The following EDARADD variants were observed in gnomAD, a reference collection of about 807,000 sequenced individuals.
The protein encoded by EDARADD is ectodysplasin-A receptor-associated adapter protein.
Under a neutral mutation model 25.6 loss-of-function variants are expected in EDARADD, and 20 were observed. The ratio of observed to expected loss-of-function variants is 0.78; its 90% confidence interval spans 0.55 to 1.14. The LOEUF is 1.14. Ranked by LOEUF, EDARADD falls within the 50% of genes most tolerant of loss-of-function variation. The pLI, the probability that EDARADD is intolerant of heterozygous loss-of-function variation, is 0.00. For missense variants in EDARADD, 225 were observed against 270.1 expected, an observed-to-expected ratio of 0.83 and a Z score of 1.17; for synonymous variants, 86 against 94.4, an observed-to-expected ratio of 0.91 and a Z score of 0.52.
chr1:236,431,241 T>TG (rs1200663326), intron 4 of EDARADD, among the ~76,000 whole-genome samples: 4 of 152,238 alleles, frequency 2.6e-5, no homozygotes, highest in African/African-American at 9.6e-5. Context: ...AGGATTTATT[T>TG]GAGCTTCCTT....
rs1417060166 is a variant in EDARADD, at chr1:236,458,647, T to C, written c.220-9584T>C. Among the ~76,000 whole-genome samples, 18 of 145,176 alleles carry C rather than the reference T, an allele frequency of 1.2e-4. 1 individual carries two copies. The highest frequency in any genetic ancestry group is 5.8e-4 in the East Asian group (3 of 5,162). On this transcript the variant is annotated intron_variant, in intron 4 of 5. Coordinates refer to ENST00000334232, the MANE Select transcript of EDARADD (RefSeq NM_145861.4). ...TTTGGTATTTTTTCTTTTTCTTTTT[T>C]TTTTTTTTTTTTTGAGACGGAGTTT...
intron 3 of EDARADD, among the ~76,000 whole-genome samples, chr1:236,378,460 C>T (rs997709515): frequency 3.1e-4 from 47 of 152,310 alleles, no homozygotes; most frequent in African/African-American, 1.0e-3. Context: ...GAGGTTTCTA[C>T]TCCCATCAGT....
intron 3 of EDARADD, among the ~76,000 whole-genome samples, chr1:236,376,060 A>G (rs1021412004): frequency 6.6e-6 from 1 of 150,860 alleles, no homozygotes; most frequent in Admixed American, 6.6e-5. Flanking sequence ...TCAGCCTCCC[A>G]AGTGACTGGG....
At position 236,480,096 on chromosome 1, in the gene EDARADD, CATATATATATATAT is replaced by C. The variant is rs72215388; in HGVS notation, c.266-2144_266-2131del. Among the ~76,000 whole-genome samples the C allele has an allele frequency of 3.2e-3, 248 of 77,860 alleles. 5 individuals carry two copies. The highest frequency in any genetic ancestry group is 0.013 in the African/African-American group (203 of 16,102). The allele number at this position is 77,860 out of a possible 152,430, so 51.1% of individuals were successfully genotyped here. ...ATCTCAGTGTGCCTTTTAAGTATGC[CATATATATATATAT>C]ATATATATATATATATATATATATA... On this transcript the variant is annotated intron_variant, in intron 5 of 5. Coordinates refer to ENST00000334232, the MANE Select transcript of EDARADD (RefSeq NM_145861.4).
At chr1:236,404,522 C>T (rs999191237) in intron 1 of EDARADD, among the ~76,000 whole-genome samples, 3 of 152,166 alleles carry the variant, frequency 2.0e-5, no homozygotes, top group African/African-American at 7.2e-5. Context: ...AGAACTTAAT[C>T]CACAGCTTGA....
chr1:236,395,608 C>T lies in EDARADD; in HGVS notation c.61+1103C>T, dbSNP rs1028521645. The T allele has an allele frequency of 2.6e-6, 4 of 1,559,786 alleles. No individual in the cohort carries two copies. In the African/African-American group the frequency reaches 5.4e-5, roughly 21 times the overall value. ...GGCCTGCCAGCCCCGCTCGGACGCT[C>T]GTTTGCCCCTAACCCGCCGCCATGG... On this transcript the variant is annotated intron_variant, in intron 1 of 5. Transcript: ENST00000334232. The surrounding 1 kb of genome is among the most constrained non-coding windows in gnomAD (Gnocchi z 6.9).
chr1:236,456,080 C>T (rs1052248742), intron 4 of EDARADD, among the ~76,000 whole-genome samples: 5 of 152,080 alleles, frequency 3.3e-5, no homozygotes, highest in Admixed American at 6.6e-5. Context: ...TGAGCCACCG[C>T]GCCCAGGTGC....
intron 5 of EDARADD, among the ~76,000 whole-genome samples, chr1:236,473,099 G>A (rs79979307): frequency 6.6e-6 from 1 of 152,086 alleles, no homozygotes; most frequent in African/African-American, 2.4e-5. Flanking sequence ...CTGTGTGCCT[G>A]GTGTGCAGCA....
chr1:236,361,766 A>G (rs1667053854), intron 3 of EDARADD, among the ~76,000 whole-genome samples: 1 of 150,684 alleles, frequency 6.6e-6, no homozygotes, highest in Admixed American at 6.6e-5. Context: ...CCATAATACT[A>G]TGGCTTTTGT....
Position 236,364,859 on chromosome 1 carries a change from C to A in EDARADD, c.-6+14020C>A, listed in dbSNP as rs180883834. ...ATAACAGTTTTAATTTCTTTCCAAT[C>A]TGATGCTTTTTATTTCTTTTTCTTG... On this transcript the variant is annotated intron_variant, in intron 3 of 7. Coordinates refer to the EDARADD transcript ENST00000439430. Among the ~76,000 whole-genome samples the A allele has an allele frequency of 2.6e-5, 4 of 152,256 alleles. No homozygotes were observed. The East Asian group carries it at 7.7e-4, about 29-fold the overall frequency.
intron 5 of EDARADD, among the ~76,000 whole-genome samples, chr1:236,476,369 T>C (rs112953498): frequency 3.3e-5 from 5 of 152,202 alleles, no homozygotes; most frequent in African/African-American, 1.2e-4. Context: ...GTTTAAATCC[T>C]TATTTTTCTA....
At chr1:236,461,393 T>G (rs1347200748) in intron 4 of EDARADD, among the ~76,000 whole-genome samples, 4 of 152,154 alleles carry the variant, frequency 2.6e-5, no homozygotes, top group Non-Finnish European at 2.9e-5. Flanking sequence ...CCAGCACCAT[T>G]TATTGAAGAG....
At chr1:236,421,023 T>C (rs590290) in intron 3 of EDARADD, among the ~76,000 whole-genome samples, 75,346 of 146,554 alleles carry the variant, frequency 0.51, 24,904 homozygotes, top group Non-Finnish European at 0.66. Flanking sequence ...TGTGAGCCAC[T>C]GTGCCCTGCC....
chr1:236,457,358 T>C (rs1256450133), intron 4 of EDARADD, among the ~76,000 whole-genome samples: 1 of 150,350 alleles, frequency 6.7e-6, no homozygotes, highest in Non-Finnish European at 1.5e-5. Flanking sequence ...TCTACAAAAA[T>C]ACAAAAAATA....
intron 4 of EDARADD, among the ~76,000 whole-genome samples, chr1:236,460,924 C>G (rs11589682): frequency 0.3 from 45,265 of 151,840 alleles, 7,869 homozygotes; most frequent in East Asian, 0.51. Flanking sequence ...CTGGTTCAAG[C>G]GATTCTCCTG....
chr1:236,401,945 G>A (rs1572130738), intron 1 of EDARADD, among the ~76,000 whole-genome samples: 1 of 152,276 alleles, frequency 6.6e-6, no homozygotes, highest in African/African-American at 2.4e-5. Context: ...AGTCTGTCGG[G>A]TGGTCAGTGT....
chr1:236,408,415 G>A (rs1667775234), intron 1 of EDARADD, among the ~76,000 whole-genome samples: 1 of 152,026 alleles, frequency 6.6e-6, no homozygotes, highest in Admixed American at 6.6e-5. Context: ...GTTGGACCAG[G>A]CTGATCTTGA....
intron 3 of EDARADD, among the ~76,000 whole-genome samples, chr1:236,378,961 G>A (rs1478947338): frequency 6.6e-6 from 1 of 152,098 alleles, no homozygotes; most frequent in African/African-American, 2.4e-5. Context: ...GATGTGGAGA[G>A]GGGATGAGGA....
intron 3 of EDARADD, among the ~76,000 whole-genome samples, chr1:236,367,081 C>T (rs1196728937): frequency 1.2e-4 from 8 of 65,986 alleles, no homozygotes; most frequent in Middle Eastern, 7.8e-3. Context: ...GAGACTCCAT[C>T]GCCAAAAAAA....
Sources: allele counts gnomAD v4.1 joint callset (sites outside exome capture counted in the v4.1 genomes callset), GRCh38; gene constraint gnomAD v4.1.1; non-coding constraint Gnocchi (gnomAD v3.1); transcripts MANE v1.5; gene names NCBI Gene and HGNC (gene_info 2026-07-23, HGNC 2026-07-21).